The following BICC1 variants were observed in gnomAD, a reference collection of about 807,000 sequenced individuals.
The protein encoded by BICC1 is protein bicaudal C homolog 1.
In BICC1, 43 loss-of-function variants were observed where a neutral mutation model predicts 111.0. The observed-to-expected ratio is 0.39, with a 90% CI of 0.30 to 0.50. The LOEUF (loss-of-function observed/expected upper bound fraction) is 0.50, where lower values mean the gene tolerates loss of function less well. Among genes scored for constraint, BICC1 ranks in the 20% least tolerant of loss-of-function variants. BICC1 has a pLI of 0.88. For synonymous variants in BICC1, 467 were observed against 434.4 expected (o/e 1.07, Z -0.93); for missense variants, 1,091 against 1,203.2 (o/e 0.91, Z 1.38).
chr10:58,728,386 A>G (rs1589070194), intron 3 of BICC1, among the ~76,000 whole-genome samples: 1 of 152,148 alleles, frequency 6.6e-6, no homozygotes, highest in Non-Finnish European at 1.5e-5. Flanking sequence ...GCAATGTCTC[A>G]TCCACTCAAG....
chr10:58,712,492 G>A (rs1399826995), intron 3 of BICC1, among the ~76,000 whole-genome samples: 3 of 152,132 alleles, frequency 2.0e-5, no homozygotes, highest in South Asian at 2.1e-4. Flanking sequence ...AATGTGGTAC[G>A]TTGACACAAT....
chr10:58,535,204 A>G (rs1246103277), intron 1 of BICC1, among the ~76,000 whole-genome samples: 1 of 151,818 alleles, frequency 6.6e-6, no homozygotes, highest in Non-Finnish European at 1.5e-5. Flanking sequence ...CTTGCTAAAA[A>G]TTTAGACATC....
chr10:58,535,903 C>T (rs1842813616), intron 1 of BICC1, among the ~76,000 whole-genome samples: 2 of 149,854 alleles, frequency 1.3e-5, no homozygotes, highest in Admixed American at 1.3e-4. Flanking sequence ...CAATCAGAAA[C>T]CAAAAGCAAG....
chr10:58,823,273 A>G, intron 20 of BICC1: 1 of 985,238 alleles, frequency 1.0e-6, no homozygotes. Context: ...AGCTGCCAGG[A>G]TTGTGTGAAC....
intron 2 of BICC1, among the ~76,000 whole-genome samples, chr10:58,690,038 G>T (rs951795016): frequency 1.3e-5 from 2 of 152,030 alleles, no homozygotes; most frequent in African/African-American, 4.8e-5. Flanking sequence ...TAAACATATT[G>T]TTTACTTTTG....
At chr10:58,796,277 C>G (rs1360569596) in intron 9 of BICC1, 63 bp from the exon 10 acceptor site, 2 of 1,405,540 alleles carry the variant, frequency 1.4e-6, no homozygotes. Context: ...CCTCCCTCCC[C>G]TCCCCCATTC....
At chr10:58,730,436 G>A (rs543261165) in intron 3 of BICC1, among the ~76,000 whole-genome samples, 1 of 152,228 alleles carries the variant, frequency 6.6e-6, no homozygotes, top group South Asian at 2.1e-4. Flanking sequence ...AGTGCAGGGT[G>A]CAAGTTGCCA....
chr10:58,746,673 C>A (rs180782307), intron 3 of BICC1, among the ~76,000 whole-genome samples: 2 of 152,112 alleles, frequency 1.3e-5, no homozygotes, highest in African/African-American at 2.4e-5. Flanking sequence ...CTAGGAGAGG[C>A]ATTCTTTCCT....
intron 1 of BICC1, among the ~76,000 whole-genome samples, chr10:58,535,330 C>T (rs544671112): frequency 7.9e-5 from 12 of 151,702 alleles, no homozygotes; most frequent in African/African-American, 2.4e-4. Context: ...CTAAGAACAG[C>T]GAGACAAAAG....
intron 10 of BICC1, among the ~76,000 whole-genome samples, chr10:58,797,261 C>T (rs1843386061): frequency 6.6e-6 from 1 of 152,108 alleles, no homozygotes; most frequent in African/African-American, 2.4e-5. Flanking sequence ...ATCAGTACTC[C>T]TAGAAAATCA....
intron 1 of BICC1, among the ~76,000 whole-genome samples, chr10:58,520,077 AG>A (rs1485665751): frequency 6.6e-6 from 1 of 152,128 alleles, no homozygotes; most frequent in Non-Finnish European, 1.5e-5. Context: ...ACCGTTTTGG[AG>A]ACAGTTTGAT....
chr10:58,730,358 G>C (rs900824743), intron 3 of BICC1, among the ~76,000 whole-genome samples: 1 of 152,292 alleles, frequency 6.6e-6, no homozygotes, highest in Middle Eastern at 3.4e-3. Flanking sequence ...CTCTACTCCT[G>C]TGGCCTTGTG....
intron 2 of BICC1, among the ~76,000 whole-genome samples, chr10:58,697,471 CA>C (rs1840097512): frequency 6.6e-6 from 1 of 152,076 alleles, no homozygotes; most frequent in East Asian, 1.9e-4. Context: ...TTTTAGAGAT[CA>C]AAAACCAACT....
intron 1 of BICC1, among the ~76,000 whole-genome samples, chr10:58,597,442 G>A (rs1416436339): frequency 6.6e-6 from 1 of 152,038 alleles, no homozygotes; most frequent in Non-Finnish European, 1.5e-5. Context: ...AGATCACAAG[G>A]CAAAGAGCAA....
chr10:58,671,362 A>G (rs1839179066), intron 2 of BICC1, among the ~76,000 whole-genome samples: 1 of 152,106 alleles, frequency 6.6e-6, no homozygotes, highest in Non-Finnish European at 1.5e-5. Flanking sequence ...TACTGTTCCC[A>G]TCTGGAGGGT....
intron 17 of BICC1, among the ~76,000 whole-genome samples, chr10:58,809,266 C>T (rs536118049): frequency 2.6e-5 from 4 of 152,118 alleles, no homozygotes; most frequent in African/African-American, 9.6e-5. Context: ...AAACTCCTGA[C>T]CTCAAGTGAT....
chr10:58,563,660 C>T (rs1232944972), intron 1 of BICC1, among the ~76,000 whole-genome samples: 1 of 152,206 alleles, frequency 6.6e-6, no homozygotes, highest in Non-Finnish European at 1.5e-5. Flanking sequence ...CACCTCCACT[C>T]AGCCATTGAT....
At chr10:58,733,638 G>T (rs1841383873) in intron 3 of BICC1, among the ~76,000 whole-genome samples, 1 of 152,206 alleles carries the variant, frequency 6.6e-6, no homozygotes. Flanking sequence ...TGATGCAGCT[G>T]TTGGAGCTAC....
intron 3 of BICC1, among the ~76,000 whole-genome samples, chr10:58,730,048 A>T (rs2393488): frequency 1.3e-5 from 2 of 152,280 alleles, no homozygotes; most frequent in East Asian, 1.9e-4. Context: ...ATTAACTAAG[A>T]TGTCCAAAGT....
Sources: allele counts gnomAD v4.1 joint callset (sites outside exome capture counted in the v4.1 genomes callset), GRCh38; gene constraint gnomAD v4.1.1; transcripts MANE v1.5; gene names NCBI Gene and HGNC (gene_info 2026-07-23, HGNC 2026-07-21).